DYM: variants seen among roughly 807,000 people sequenced by gnomAD.
DYM encodes dyggve-Melchior-Clausen syndrome protein.
A neutral mutation model predicts 93.1 loss-of-function variants in DYM; 78 were observed. That is an observed-to-expected ratio of 0.84 (90% CI 0.70 to 1.01). The LOEUF (loss-of-function observed/expected upper bound fraction) is 1.01, where lower values mean the gene tolerates loss of function less well. Among genes scored for constraint, DYM ranks in the 50% least tolerant of loss-of-function variants. The pLI is 0.00. For missense variants in DYM, 789 were observed against 845.0 expected (o/e 0.93, Z 0.82); for synonymous variants, 321 against 319.7 (o/e 1.00, Z -0.04).
chr18:49,083,232 T>A (rs1028101435), intron 17 of DYM, among the ~76,000 whole-genome samples: 2 of 152,136 alleles, frequency 1.3e-5, no homozygotes, highest in African/African-American at 4.8e-5. Flanking sequence ...GCCTGTGGGT[T>A]GTGGTTTGTT....
At chr18:49,396,156 G>A (rs1209796556) in intron 2 of DYM, among the ~76,000 whole-genome samples, 1 of 152,176 alleles carries the variant, frequency 6.6e-6, no homozygotes, top group Non-Finnish European at 1.5e-5. Context: ...GCCTGCAGAA[G>A]TGTGAGCCAA....
intron 14 of DYM, among the ~76,000 whole-genome samples, chr18:49,198,498 T>C (rs565452806): frequency 6.6e-6 from 1 of 152,264 alleles, no homozygotes; most frequent in Non-Finnish European, 1.5e-5. Context: ...AAGGGGCTAA[T>C]ATCCAAAATC....
intron 15 of DYM, among the ~76,000 whole-genome samples, chr18:49,122,666 G>A (rs1265510039): frequency 1.3e-5 from 2 of 152,142 alleles, no homozygotes; most frequent in African/African-American, 4.8e-5. Context: ...TAAATGTTAT[G>A]CACTTGAATC....
At chr18:49,158,298 G>A (rs1364070344) in intron 15 of DYM, among the ~76,000 whole-genome samples, 2 of 152,088 alleles carry the variant, frequency 1.3e-5, no homozygotes, top group African/African-American at 4.8e-5. Flanking sequence ...CCTGTAAGTA[G>A]GTACTATGCC....
At chr18:49,159,423 A>G (rs8084611) in intron 15 of DYM, among the ~76,000 whole-genome samples, 5,606 of 152,342 alleles carry the variant, frequency 0.037, 342 homozygotes, top group African/African-American at 0.13. Flanking sequence ...CAAGGTCTAA[A>G]AGATTATTAA....
chr18:49,415,857 G>A (rs2072910437), intron 2 of DYM, among the ~76,000 whole-genome samples: 2 of 151,618 alleles, frequency 1.3e-5, no homozygotes, highest in African/African-American at 4.8e-5. Context: ...AACCTGGGAG[G>A]CAGAGGCTGC....
Position 49,063,433 on chromosome 18 carries a change from T to G in DYM, c.2026-19229A>C, listed in dbSNP as rs1427768021. The stretch of plus-strand genomic sequence containing the variant: ...AAAGAAATATATACATGAAAAACAC[T>G]GTTACAGGACTAAGAAACTAAATGT... On this transcript the variant is annotated intron_variant, in intron 17 of 17. Transcript: ENST00000675505. 2.0e-5 allele frequency among the ~76,000 whole-genome samples: 3 copies of G among 151,856 alleles called. No individual in the cohort carries two copies. In the East Asian group the frequency reaches 5.8e-4, roughly 29 times the overall value.
intron 17 of DYM, among the ~76,000 whole-genome samples, chr18:49,072,500 G>A (rs752024689): frequency 1.3e-5 from 2 of 152,236 alleles, no homozygotes; most frequent in African/African-American, 4.8e-5. Flanking sequence ...TCAAACCCTT[G>A]TATTGACTGT....
intron 3 of DYM, among the ~76,000 whole-genome samples, chr18:49,382,114 G>A (rs2068096166): frequency 6.6e-6 from 1 of 152,036 alleles, no homozygotes; most frequent in African/African-American, 2.4e-5. Context: ...TGTAATTGTT[G>A]AATGTATAAA....
chr18:49,293,294 T>C (rs1011584969), intron 8 of DYM, among the ~76,000 whole-genome samples: 2 of 152,240 alleles, frequency 1.3e-5, no homozygotes, highest in African/African-American at 2.4e-5. Context: ...TATGTGTGCA[T>C]GTGTCTTTAT....
At chr18:49,278,610 T>C (rs1045932466) in intron 10 of DYM, among the ~76,000 whole-genome samples, 2 of 152,054 alleles carry the variant, frequency 1.3e-5, no homozygotes, top group African/African-American at 4.8e-5. Flanking sequence ...AAGAAGAGAC[T>C]ATTGGAGCCC....
At chr18:49,276,736 C>A (rs1878686638) in intron 10 of DYM, among the ~76,000 whole-genome samples, 2 of 152,028 alleles carry the variant, frequency 1.3e-5, no homozygotes, top group African/African-American at 4.8e-5. Flanking sequence ...GAGCTTTAAC[C>A]TGAGGGCACT....
chr18:49,332,256 T>C (rs192649113), intron 7 of DYM, among the ~76,000 whole-genome samples: 40 of 152,290 alleles, frequency 2.6e-4, no homozygotes, highest in Non-Finnish European at 4.4e-4. Flanking sequence ...AATACTTTTT[T>C]TCTGCAGTGG....
intron 14 of DYM, among the ~76,000 whole-genome samples, chr18:49,165,977 T>C (rs1025172126): frequency 6.6e-6 from 1 of 151,192 alleles, no homozygotes; most frequent in Middle Eastern, 3.4e-3. Flanking sequence ...ATGGAGGTAC[T>C]ATACAAGAAG....
At position 49,064,483 on chromosome 18, in the gene DYM, G is replaced by A. The variant is rs371246801; in HGVS notation, c.2026-20279C>T. Among the ~76,000 whole-genome samples, 368 of 152,236 alleles carry A rather than the reference G, an allele frequency of 2.4e-3. 19 individuals are homozygous for A. In the South Asian group the frequency reaches 0.068, roughly 28 times the overall value. ...CACTTCTGTGAAGCTCTCCACACCA[G>A]GGTCTATGACTTCATACTCCCTAAA... is the stretch of plus-strand genomic sequence containing the variant. On this transcript the variant is annotated intron_variant, in intron 17 of 17. Coordinates refer to ENST00000675505, the MANE Select transcript of DYM (RefSeq NM_001353214.3).
intron 8 of DYM, among the ~76,000 whole-genome samples, chr18:49,294,509 T>C (rs776916687): frequency 1.1e-4 from 17 of 152,182 alleles, no homozygotes; most frequent in Non-Finnish European, 2.2e-4. Context: ...TGGTTGACAA[T>C]TCAAGTTTTT....
chr18:49,129,294 C>G (rs9957323), intron 15 of DYM, among the ~76,000 whole-genome samples: 3,808 of 152,132 alleles, frequency 0.025, 151 homozygotes, highest in African/African-American at 0.085. Context: ...TGTAAGGAAC[C>G]TGGACTTCAG....
rs570995752 is a variant in DYM at position 49,036,437 on chromosome 18, C to A, written c.*7618G>T. Among the ~76,000 whole-genome samples, 4 of 151,656 alleles carry A rather than the reference C, an allele frequency of 2.6e-5. No individual in the cohort carries two copies. Among genetic ancestry groups the A allele is most frequent in the Admixed American group, 6.6e-5 (1 of 15,206 alleles). Reference sequence around the variant, plus strand: ...GAGGCATACTTAATATATAAAACTGCACATATGTAATAAAGTGTACAATTT... The same window carrying A: ...GAGGCATACTTAATATATAAAACTGAACATATGTAATAAAGTGTACAATTT... On this transcript the variant is annotated 3_prime_UTR_variant, in exon 18 of 18. Coordinates refer to ENST00000675505, the MANE Select transcript of DYM (RefSeq NM_001353214.3).
At chr18:49,151,271 T>C (rs897751541) in intron 15 of DYM, among the ~76,000 whole-genome samples, 15 of 152,226 alleles carry the variant, frequency 9.9e-5, no homozygotes, top group African/African-American at 3.4e-4. Context: ...CAAATACTCC[T>C]GTTAAGGATT....
Sources: gnomAD v4.1 joint callset for allele counts (sites outside exome capture counted in the v4.1 genomes callset) on GRCh38, gnomAD v4.1.1 for gene constraint, MANE v1.5 for transcripts, NCBI Gene and HGNC (gene_info 2026-07-23, HGNC 2026-07-21) for gene names.